Variants in LIG3 observed in about 807,000 individuals in gnomAD.
LIG3 encodes the protein ligase II, DNA, ATP-dependent.
Under a neutral mutation model 110.9 loss-of-function variants are expected in LIG3, and 58 were observed. The observed-to-expected ratio is 0.52, with a 90% CI of 0.42 to 0.65. The LOEUF (loss-of-function observed/expected upper bound fraction) is 0.65. Ranked by LOEUF, LIG3 falls within the 30% of genes least tolerant of loss-of-function variation. LIG3 has a pLI of 0.00. For missense variants in LIG3, 1,094 were observed against 1,273.8 expected, an observed-to-expected ratio of 0.86 and a Z score of 2.15; for synonymous variants, 422 against 472.8, an observed-to-expected ratio of 0.89 and a Z score of 1.39.
intron 19 of LIG3, 155 bp from the exon 20 acceptor site, chr17:35,004,118 G>A: frequency 1.6e-6 from 1 of 619,460 alleles, no homozygotes; most frequent in Non-Finnish European, 2.9e-6. Flanking sequence ...TGGAGTGACT[G>A]GAGGGGTGGG....
intron 4 of LIG3, among the ~76,000 whole-genome samples, chr17:34,990,322 C>T (rs535802747): frequency 6.6e-6 from 1 of 152,362 alleles, no homozygotes; most frequent in East Asian, 1.9e-4. Context: ...CTGTGTTGCC[C>T]AGGCTGGAGC....
At chr17:34,985,145 C>T (rs2090642329) in intron 2 of LIG3, among the ~76,000 whole-genome samples, 2 of 152,176 alleles carry the variant, frequency 1.3e-5, no homozygotes, top group South Asian at 4.1e-4. Context: ...ATGTAAAATT[C>T]ATACCTATAT....
intron 3 of LIG3, among the ~76,000 whole-genome samples, chr17:34,987,083 C>G (rs1426527122): frequency 6.6e-6 from 1 of 152,158 alleles, no homozygotes; most frequent in African/African-American, 2.4e-5. Context: ...GTTAAGTTTC[C>G]TGTTCTCTTC....
At chr17:34,999,700 T>C in intron 15 of LIG3, 82 bp from the exon 16 acceptor site, 1 of 1,340,480 alleles carries the variant, frequency 7.5e-7, no homozygotes, top group Non-Finnish European at 1.1e-6. Flanking sequence ...AAGTGGCTTC[T>C]TATAATCTCA....
chr17:34,990,772 A>T (rs534742103), intron 4 of LIG3, among the ~76,000 whole-genome samples, 191 bp from the exon 5 acceptor site: 2 of 152,080 alleles, frequency 1.3e-5, no homozygotes, highest in South Asian at 4.2e-4. Flanking sequence ...TAATTTTTTA[A>T]TTTTTTGTAG....
chr17:34,980,658 GC>G, intron 1 of LIG3, 36 bp downstream of exon 1: 2 of 1,156,126 alleles, frequency 1.7e-6, no homozygotes, highest in Non-Finnish European at 2.2e-6. Flanking sequence ...GCGCGGCGGG[GC>G]CCGGCGTGGG....
At chr17:34,993,188 T>C (rs1202590385) in intron 8 of LIG3, among the ~76,000 whole-genome samples, 1 of 152,232 alleles carries the variant, frequency 6.6e-6, no homozygotes, top group African/African-American at 2.4e-5. Context: ...ACAGACATCA[T>C]CTTAGGCCTC....
intron 1 of LIG3, among the ~76,000 whole-genome samples, chr17:34,982,410 C>T (rs1228865494): frequency 1.3e-5 from 2 of 151,952 alleles, no homozygotes; most frequent in African/African-American, 4.8e-5. Flanking sequence ...TTTGGGAGGC[C>T]GAGGCGGGCG....
intron 7 of LIG3, 36 bp downstream of exon 7, chr17:34,992,071 T>C: frequency 6.4e-7 from 1 of 1,565,126 alleles, no homozygotes; most frequent in Non-Finnish European, 8.8e-7. Flanking sequence ...TGAGCTGTCA[T>C]TTGTTAGCTT....
chr17:34,999,432 A>T lies in LIG3; in HGVS notation c.2239A>T (p.Met747Leu). The change falls in exon 15 of 20, where the codon ATG (methionine) becomes TTG (leucine). Residue 747 changes from methionine (M) to leucine (L), a missense_variant. By Grantham distance (15) the Met-to-Leu change is conservative. Transcript: ENST00000378526. ...TLARLQNELD[M>L]VKISKDPSKI... Reference sequence around the variant, plus strand: ...TGCCCGCCTGCAGAATGAACTAGACATGGTGAAGATCAGCAAGGTGAGGAA... The same window carrying T: ...TGCCCGCCTGCAGAATGAACTAGACTTGGTGAAGATCAGCAAGGTGAGGAA... The T allele has an allele frequency of 6.2e-7, 1 of 1,613,928 alleles. No homozygotes were observed. The highest frequency in any genetic ancestry group is 1.1e-5 in the South Asian group (1 of 91,036).
chr17:35,002,773 C>T lies in LIG3; in HGVS notation c.2780C>T (p.Thr927Met), dbSNP rs35956074. The change falls in exon 19 of 20, where the codon ACG becomes ATG. Residue 927 changes from threonine (T) to methionine (M), a missense_variant. By Grantham distance (81) the Thr-to-Met change is moderately conservative (BLOSUM62 -1). Coordinates refer to ENST00000378526, the MANE Select transcript of LIG3 (RefSeq NM_013975.4). ...VGEKRKAADETLCQTKVLLDI... is the reference protein window; with the variant it reads ...VGEKRKAADEMLCQTKVLLDI... ...GAGAAGCGGAAAGCTGCTGATGAGA[C>T]GCTGTGCCAAACAAAGGTGAGGGTA... The T allele has an allele frequency of 1.6e-4, 263 of 1,604,402 alleles. No homozygotes were observed. The highest frequency in any genetic ancestry group is 2.0e-4 in the Non-Finnish European group (236 of 1,174,522).
intron 13 of LIG3, 122 bp from the exon 14 acceptor site, chr17:34,998,482 C>A: frequency 7.7e-7 from 1 of 1,295,054 alleles, no homozygotes. Flanking sequence ...TGCCTGGAGC[C>A]TGAGGGCTCT....
intron 15 of LIG3, 110 bp from the exon 16 acceptor site, chr17:34,999,672 C>T: frequency 8.7e-7 from 1 of 1,155,018 alleles, no homozygotes; most frequent in Non-Finnish European, 1.3e-6. Context: ...GATCACATGG[C>T]TCAAACATCA....
chr17:34,994,407 T>C lies in LIG3; in HGVS notation c.1587T>C (p.Ser529=), dbSNP rs1408171733. The change falls in exon 9 of 20, where the codon AGT becomes AGC. Residue 529 remains serine, a synonymous_variant. Transcript: ENST00000378526. ...NGDHFSYFSR[S]LKPVLPHKVA... ...ACCACTTCAGCTACTTCAGCCGCAG[T>C]CTCAAGCCCGTCCTTCCTCACAAGG... is the stretch of plus-strand genomic sequence containing the variant. The C allele has an allele frequency of 6.2e-6, 10 of 1,614,012 alleles. No individual in the cohort carries two copies. The highest frequency in any genetic ancestry group is 8.5e-6 in the Non-Finnish European group (10 of 1,180,000).
intron 14 of LIG3, 160 bp downstream of exon 14, chr17:34,998,887 G>A: frequency 1.3e-6 from 1 of 770,760 alleles, no homozygotes; most frequent in African/African-American, 1.7e-5. Flanking sequence ...ACCTCAGGCA[G>A]AGCTGCTTAC....
In LIG3 at chr17:35,007,894, C is replaced by T. The variant is rs1241219641; in HGVS notation, c.*3388C>T. 1 of 152,244 alleles carries T rather than the reference C, an allele frequency of 6.6e-6. No individual in the cohort carries two copies. Among genetic ancestry groups the T allele is most frequent in the East Asian group, 1.9e-4 (1 of 5,200 alleles). The allele number at this position is 152,244 out of a possible 1,614,324, so 9.4% of individuals were successfully genotyped here. A position where few individuals can be genotyped will look rare whatever the true frequency, so the allele number is the denominator to read the frequency against. On this transcript the variant is annotated 3_prime_UTR_variant, in exon 20 of 20. Transcript: ENST00000378526. ...GACTTAACAAACAGGCACACACCAT[C>T]ACTCGCAGCTAAGTTTTTGTATTTT... is the stretch of plus-strand genomic sequence containing the variant.
At chr17:34,986,601 C>T (rs910807531) in intron 3 of LIG3, among the ~76,000 whole-genome samples, 18 of 152,180 alleles carry the variant, frequency 1.2e-4, no homozygotes, top group Non-Finnish European at 5.9e-5. Context: ...GGATTGCAGG[C>T]GTGAGCCACT....
In LIG3 at chr17:34,998,722, G is replaced by A. The variant is rs753357588; in HGVS notation, c.2108G>A (p.Ser703Asn). ...CTTGGAGCCTTCTATGGGCAAGGGA[G>A]CAAAGGTCAGGGTGGCCTCTGCCCC... Reference protein sequence around the residue: ...VVLGAFYGQGSKGGMMSIFLM... With the variant: ...VVLGAFYGQGNKGGMMSIFLM... Residue 703 changes from serine (S) to asparagine (N), a missense_variant, in exon 14 of 20, where the codon AGC (serine) becomes AAC (asparagine). Coordinates refer to ENST00000378526, the MANE Select transcript of LIG3 (RefSeq NM_013975.4). 6 of 1,613,770 alleles carry A rather than the reference G, an allele frequency of 3.7e-6. No homozygotes were observed. The African/African-American group carries it at 5.3e-5, about 14-fold the overall frequency.
In LIG3 at chr17:35,005,561, G is replaced by A. The variant is rs759403047; in HGVS notation, c.*1055G>A. The A allele has an allele frequency of 3.1e-5, 18 of 579,056 alleles. 1 individual carries two copies. The highest frequency in any genetic ancestry group is 2.5e-4 in the South Asian group (18 of 72,886). The allele number at this position is 579,056 out of a possible 1,614,324, so 35.9% of individuals were successfully genotyped here. Reference sequence around the variant, plus strand: ...TATATTATGGAAGGATTTGCATCCAGCTTCCTGTTTACAATGGGAGGTTTA... The same window carrying A: ...TATATTATGGAAGGATTTGCATCCAACTTCCTGTTTACAATGGGAGGTTTA... On this transcript the variant is annotated 3_prime_UTR_variant, in exon 20 of 20. Coordinates refer to ENST00000378526, the MANE Select transcript of LIG3 (RefSeq NM_013975.4).
Sources: allele counts gnomAD v4.1 joint callset (sites outside exome capture counted in the v4.1 genomes callset), GRCh38; gene constraint gnomAD v4.1.1; transcripts MANE v1.5; gene names NCBI Gene and HGNC (gene_info 2026-07-23, HGNC 2026-07-21).